Variants in MEGF10 observed in about 807,000 individuals in gnomAD.
The protein encoded by MEGF10 is multiple epidermal growth factor-like domains protein 10.
A neutral mutation model predicts 147.5 loss-of-function variants in MEGF10; 86 were observed. The ratio of observed to expected loss-of-function variants is 0.58; its 90% CI spans 0.49 to 0.70. MEGF10 has a LOEUF of 0.70. Among genes scored for constraint, MEGF10 ranks in the 30% least tolerant of loss-of-function variants. The pLI is 0.00. For synonymous variants in MEGF10, 478 were observed against 525.5 expected, an observed-to-expected ratio of 0.91 and a Z score of 1.24; for missense variants, 1,329 against 1,487.3, an observed-to-expected ratio of 0.89 and a Z score of 1.75.
intron 5 of MEGF10, among the ~76,000 whole-genome samples, chr5:127,384,011 G>C (rs1763343928): frequency 6.6e-6 from 1 of 152,108 alleles, no homozygotes; most frequent in Non-Finnish European, 1.5e-5. Flanking sequence ...TCACAACAGT[G>C]GTCCTGAATA....
At chr5:127,240,201 A>G in the MEGF10 span, among the ~76,000 whole-genome samples, 1 of 152,262 alleles carries the variant, frequency 6.6e-6, no homozygotes, top group South Asian at 2.1e-4. Context: ...CCTCTTTATC[A>G]AGTCAGGGCT....
intron 22 of MEGF10, among the ~76,000 whole-genome samples, chr5:127,454,236 A>G (rs1204123961): frequency 6.6e-6 from 1 of 152,240 alleles, no homozygotes; most frequent in African/African-American, 2.4e-5. Flanking sequence ...TAGGTATGAA[A>G]TGTCAACTCT....
At chr5:127,418,219 T>C (rs1764852202) in intron 10 of MEGF10, among the ~76,000 whole-genome samples, 1 of 152,258 alleles carries the variant, frequency 6.6e-6, no homozygotes, top group Non-Finnish European at 1.5e-5. Flanking sequence ...ATTTACATTC[T>C]GTAGTTGGTA....
At chr5:127,369,137 T>A (rs189932164) in intron 4 of MEGF10, among the ~76,000 whole-genome samples, 50 of 152,286 alleles carry the variant, frequency 3.3e-4, no homozygotes, top group East Asian at 1.9e-4. Flanking sequence ...TTCTCACAAT[T>A]ATGTATATAT....
In MEGF10 at chr5:127,454,651, A is replaced by C. The variant is rs766816985; in HGVS notation, c.3025+41A>C. The stretch of plus-strand genomic sequence containing the variant: ...GAAGAAGAAATCAGAAGCACAATTA[A>C]ATTTTTTTTAACCTCAAAGACTGAA... On this transcript the variant is annotated intron_variant, in intron 23 of 24. Coordinates refer to ENST00000503335, the MANE Select transcript of MEGF10 (RefSeq NM_001256545.2). 3.8e-6 allele frequency: 6 copies of C among 1,558,896 alleles called. No individual in the cohort carries two copies. The South Asian group carries it at 7.1e-5, about 19-fold the overall frequency.
chr5:127,367,268 G>C (rs1201524526), intron 4 of MEGF10, among the ~76,000 whole-genome samples: 3 of 152,152 alleles, frequency 2.0e-5, no homozygotes, highest in East Asian at 1.9e-4. Context: ...GCAGTGAATT[G>C]AGACCTGTCC....
At chr5:127,401,889 TA>T (rs1406098785) in intron 7 of MEGF10, among the ~76,000 whole-genome samples, 4 of 152,180 alleles carry the variant, frequency 2.6e-5, no homozygotes, top group Non-Finnish European at 5.9e-5. Flanking sequence ...CCCCAGGAAA[TA>T]AGTTTTCCTA....
At chr5:127,363,607 G>A (rs1356291839) in intron 4 of MEGF10, among the ~76,000 whole-genome samples, 1 of 152,116 alleles carries the variant, frequency 6.6e-6, no homozygotes, top group East Asian at 1.9e-4. Flanking sequence ...TGCTGGCCCT[G>A]GTACAAGTAA....
chr5:127,281,016 C>T, the MEGF10 span, among the ~76,000 whole-genome samples: 5 of 152,202 alleles, frequency 3.3e-5, no homozygotes, highest in Non-Finnish European at 7.3e-5. Flanking sequence ...TCAGGGAAGT[C>T]AGCAACCTCC....
rs1657370208 is a variant in MEGF10, at chr5:127,339,304, G to T, written c.218+83G>T. The T allele has an allele frequency of 5.3e-6, 5 of 947,320 alleles. No individual in the cohort carries two copies. The East Asian group carries it at 7.7e-5, about 15-fold the overall frequency. The allele number at this position is 947,320 out of a possible 1,614,324, so 58.7% of individuals were successfully genotyped here. ...AGAGATATTAATGACAGCAGAAAGT[G>T]CATCCATTCATTCAGTGAATAGGTA... On this transcript the variant is annotated intron_variant, in intron 3 of 24. Coordinates refer to ENST00000503335, the MANE Select transcript of MEGF10 (RefSeq NM_001256545.2).
chr5:127,399,588 T>C lies in MEGF10; in HGVS notation c.780+792T>C, dbSNP rs76215557. ...TATCACCTTCTATTTCCATGAGCAG[T>C]GCTAAAGCTGTTCTTTCAGAGGTTA... On this transcript the variant is annotated intron_variant, in intron 7 of 24. Transcript: ENST00000503335. 7.9e-3 allele frequency among the ~76,000 whole-genome samples: 1,206 copies of C among 152,300 alleles called. 15 individuals are homozygous for C. The highest frequency in any genetic ancestry group is 0.028 in the African/African-American group (1,158 of 41,572).
intron 1 of MEGF10, among the ~76,000 whole-genome samples, chr5:127,317,570 A>G (rs984736036): frequency 6.6e-6 from 1 of 152,214 alleles, no homozygotes. Context: ...CTATGCAGCC[A>G]TAAAAAAGGA....
chr5:127,273,293 GGTTCCCTTGGCTCAAT>G, the MEGF10 span, among the ~76,000 whole-genome samples: 12 of 152,326 alleles, frequency 7.9e-5, 1 homozygote, highest in Admixed American at 5.2e-4. Flanking sequence ...CAGGGGTGGG[GGTTCCCTTGGCTCAAT>G]GTTGCTCTTG....
At chr5:127,420,355 A>G in intron 12 of MEGF10, 148 bp downstream of exon 12, 1 of 843,474 alleles carries the variant, frequency 1.2e-6, no homozygotes, top group Non-Finnish European at 1.8e-6. Context: ...ATTTGGATTC[A>G]AATTGGACGT....
chr5:127,230,013 G>T, the MEGF10 span, among the ~76,000 whole-genome samples: 1 of 152,194 alleles, frequency 6.6e-6, no homozygotes, highest in Non-Finnish European at 1.5e-5. Flanking sequence ...AAACGAAAGA[G>T]TTCATCAGTG....
chr5:127,329,274 T>A (rs542429223), intron 1 of MEGF10, among the ~76,000 whole-genome samples: 1 of 152,356 alleles, frequency 6.6e-6, no homozygotes, highest in African/African-American at 2.4e-5. Context: ...TTAGTGACCA[T>A]TGAAATATCC....
intron 2 of MEGF10, among the ~76,000 whole-genome samples, chr5:127,338,683 G>A (rs990561552): frequency 6.6e-6 from 1 of 152,074 alleles, no homozygotes; most frequent in African/African-American, 2.4e-5. Flanking sequence ...AGAATCAGTA[G>A]CAAAATGCAC....
At chr5:127,351,998 T>A (rs1762106129) in intron 4 of MEGF10, among the ~76,000 whole-genome samples, 1 of 152,184 alleles carries the variant, frequency 6.6e-6, no homozygotes, top group Non-Finnish European at 1.5e-5. Context: ...TTCCTAGCAG[T>A]GATCATGTTC....
the MEGF10 span, among the ~76,000 whole-genome samples, chr5:127,258,809 G>A: frequency 6.6e-6 from 1 of 152,234 alleles, no homozygotes; most frequent in Non-Finnish European, 1.5e-5. Flanking sequence ...AAGGCAGCTT[G>A]CAGTTTACAG....
Sources: gnomAD v4.1 joint callset for allele counts (sites outside exome capture counted in the v4.1 genomes callset) on GRCh38, gnomAD v4.1.1 for gene constraint, MANE v1.5 for transcripts, NCBI Gene and HGNC (gene_info 2026-07-23, HGNC 2026-07-21) for gene names.